Variants in ANKS1B observed in about 807,000 individuals in gnomAD.
ANKS1B encodes the protein ankyrin repeat and sterile alpha motif domain containing 1B, also known as ankyrin repeat and sterile alpha motif domain-containing protein 1B.
A neutral mutation model predicts 148.3 loss-of-function variants in ANKS1B; 36 were observed. That is an observed-to-expected ratio of 0.24 (90% CI 0.19 to 0.32). The LOEUF (loss-of-function observed/expected upper bound fraction) is 0.32. ANKS1B is among the 10% of genes least tolerant of loss of function. The probability of loss-of-function intolerance (pLI) is 1.00; values close to 1 mark genes in which losing one functional copy is unlikely to be tolerated. For missense variants in ANKS1B, 1,157 were observed against 1,542.6 expected (o/e 0.75, Z 4.19); for synonymous variants, 542 against 560.8 (o/e 0.97, Z 0.47).
chr12:98,872,524 G>A (rs549276871), intron 17 of ANKS1B, among the ~76,000 whole-genome samples: 1 of 152,266 alleles, frequency 6.6e-6, no homozygotes, highest in Admixed American at 6.5e-5. Flanking sequence ...GGGTAACAGA[G>A]CTAGAACCTA....
At chr12:98,914,727 T>C (rs1252987208) in intron 17 of ANKS1B, among the ~76,000 whole-genome samples, 1 of 151,946 alleles carries the variant, frequency 6.6e-6, no homozygotes, top group Admixed American at 6.6e-5. Flanking sequence ...ACCCCCACCC[T>C]TCCCTTCCCC....
chr12:99,754,534 C>A (rs532907653), intron 8 of ANKS1B, among the ~76,000 whole-genome samples: 4 of 152,154 alleles, frequency 2.6e-5, no homozygotes, highest in Non-Finnish European at 4.4e-5. Context: ...AACTCTCCCC[C>A]AGAATATACA....
At chr12:99,569,913 C>T (rs1029856170) in intron 9 of ANKS1B, among the ~76,000 whole-genome samples, 12 of 152,124 alleles carry the variant, frequency 7.9e-5, no homozygotes, top group African/African-American at 2.9e-4. Context: ...CTCCGATATC[C>T]TAGTCACGGT....
At chr12:99,011,846 C>T (rs1296741158) in intron 17 of ANKS1B, among the ~76,000 whole-genome samples, 1 of 152,122 alleles carries the variant, frequency 6.6e-6, no homozygotes, top group African/African-American at 2.4e-5. Flanking sequence ...GTAAATACTA[C>T]AAAAATAAGA....
intron 15 of ANKS1B, among the ~76,000 whole-genome samples, chr12:99,120,279 C>T (rs56687065): frequency 0.052 from 7,874 of 152,236 alleles, 441 homozygotes; most frequent in African/African-American, 0.13. Flanking sequence ...GACAGTGACC[C>T]GGGCTGGGAG....
rs191617462 is a variant in ANKS1B, at chr12:98,929,302, C to G, written c.2779-97166G>C. ...AAAAACTAAATAAATGGAAAGAAAA[C>G]TCATGTTCATGTATCAGAAGACTGA... On this transcript the variant is annotated intron_variant, in intron 17 of 26. Coordinates refer to ENST00000683438, the MANE Select transcript of ANKS1B (RefSeq NM_001352186.2). Among the ~76,000 whole-genome samples, 25 of 152,154 alleles carry G rather than the reference C, an allele frequency of 1.6e-4. No homozygotes were observed. The East Asian group carries it at 4.6e-3, about 28-fold the overall frequency.
chr12:99,546,284 A>AAT (rs1265832825), intron 9 of ANKS1B, among the ~76,000 whole-genome samples: 2 of 152,226 alleles, frequency 1.3e-5, no homozygotes, highest in Non-Finnish European at 2.9e-5. Flanking sequence ...CTTGAACACT[A>AAT]ATATATATAA....
chr12:99,124,964 C>T lies in ANKS1B; in HGVS notation c.2526+29325G>A, dbSNP rs974379941. Among the ~76,000 whole-genome samples the T allele has an allele frequency of 1.5e-4, 15 of 98,386 alleles. 1 individual carries two copies. Among genetic ancestry groups the T allele is most frequent in the African/African-American group, 4.4e-4 (15 of 34,004 alleles). 64.5% of individuals were successfully genotyped at this position (98,386 alleles called of 152,430 possible). On this transcript the variant is annotated intron_variant, in intron 15 of 26. Transcript: ENST00000683438. ...AGTAGGGTGGAAAAGAGAAAAATTT[C>T]CTGTTAAAGAGAGAATAGAGGTGAA...
intron 14 of ANKS1B, chr12:99,154,773 G>A (rs1026554135): frequency 4.6e-5 from 67 of 1,445,980 alleles, no homozygotes; most frequent in Non-Finnish European, 4.9e-5. Flanking sequence ...ATGCACGGCC[G>A]GCAGCCAGAA....
At chr12:99,406,217 T>C (rs893582414) in intron 11 of ANKS1B, among the ~76,000 whole-genome samples, 7 of 145,234 alleles carry the variant, frequency 4.8e-5, no homozygotes, top group Non-Finnish European at 1.1e-4. Flanking sequence ...TTACAGAATA[T>C]ACATTCTTCT....
intron 12 of ANKS1B, among the ~76,000 whole-genome samples, chr12:99,261,091 CT>C (rs1417576205): frequency 6.6e-6 from 1 of 152,116 alleles, no homozygotes; most frequent in African/African-American, 2.4e-5. Context: ...GGTGTTCTAG[CT>C]CTGCAAAAGA....
intron 1 of ANKS1B, among the ~76,000 whole-genome samples, chr12:99,982,112 G>A (rs1416242200): frequency 6.6e-6 from 1 of 152,020 alleles, no homozygotes; most frequent in Non-Finnish European, 1.5e-5. Flanking sequence ...TTTTGTTTGT[G>A]ATTTTTACAA....
At chr12:99,906,438 G>A (rs1168805413) in intron 1 of ANKS1B, among the ~76,000 whole-genome samples, 2 of 152,168 alleles carry the variant, frequency 1.3e-5, no homozygotes, top group African/African-American at 4.8e-5. Flanking sequence ...TTTTTCAGAG[G>A]AGGGCTGGTT....
At chr12:99,675,538 T>C (rs572562379) in intron 8 of ANKS1B, among the ~76,000 whole-genome samples, 6 of 152,000 alleles carry the variant, frequency 3.9e-5, no homozygotes, top group African/African-American at 1.4e-4. Flanking sequence ...AGTGAAATAA[T>C]GGCCTATTTA....
At position 99,806,502 on chromosome 12, in the gene ANKS1B, T is replaced by C; in HGVS notation, c.571A>G (p.Asn191Asp). The C allele has an allele frequency of 6.2e-7, 1 of 1,613,972 alleles. No homozygotes were observed. The highest frequency in any genetic ancestry group is 8.5e-7 in the Non-Finnish European group (1 of 1,179,860). The change falls in exon 4 of 27, where the codon AAC (asparagine) becomes GAC (aspartate). Residue 191 changes from asparagine to aspartate, a missense_variant. Asn to Asp is a conservative substitution (Grantham distance 23). Transcript: ENST00000683438. ...ISAHPNLMSC[N>D]TRKHTPLHLA... ...TGAAGTGGCGTGTGCTTGCGAGTGT[T>C]GCAGCTCATTAAGTTAGGATGTGCA...
chr12:99,302,741 T>C (rs962162435), intron 12 of ANKS1B, among the ~76,000 whole-genome samples: 1 of 152,158 alleles, frequency 6.6e-6, no homozygotes, highest in African/African-American at 2.4e-5. Flanking sequence ...AGAATAAAAT[T>C]TGGCAGCACA....
chr12:99,140,132 T>G (rs1307643629), intron 15 of ANKS1B, among the ~76,000 whole-genome samples: 8 of 152,134 alleles, frequency 5.3e-5, no homozygotes, highest in Non-Finnish European at 1.5e-5. Flanking sequence ...AATAAGTGGG[T>G]GTCTTTGAGC....
rs779926559 is a variant in ANKS1B, at chr12:99,825,456, G to A, written c.135-67C>T. On this transcript the variant is annotated intron_variant, in intron 1 of 26. Coordinates refer to ENST00000683438, the MANE Select transcript of ANKS1B (RefSeq NM_001352186.2). ...ATCTTGCCTTGAAAAACAAAAAGAAGGCTGGTAGCCCCACAGTCAGCAGCA... is the reference window on the plus strand; with the variant it reads ...ATCTTGCCTTGAAAAACAAAAAGAAAGCTGGTAGCCCCACAGTCAGCAGCA... 28 of 1,272,966 alleles carry A rather than the reference G, an allele frequency of 2.2e-5. No homozygotes were observed. The South Asian group carries it at 3.4e-4, about 15-fold the overall frequency. 78.9% of individuals were successfully genotyped at this position (1,272,966 alleles called of 1,614,324 possible). A position where few individuals can be genotyped will look rare whatever the true frequency, so the allele number is the denominator to read the frequency against.
At chr12:99,322,723 T>C (rs569680901) in intron 12 of ANKS1B, among the ~76,000 whole-genome samples, 1 of 152,296 alleles carries the variant, frequency 6.6e-6, no homozygotes, top group Admixed American at 6.5e-5. Flanking sequence ...TCTTCAGTGA[T>C]ATGGTTTGGC....
Sources: allele counts gnomAD v4.1 joint callset (sites outside exome capture counted in the v4.1 genomes callset), GRCh38; gene constraint gnomAD v4.1.1; transcripts MANE v1.5; gene names NCBI Gene and HGNC (gene_info 2026-07-23, HGNC 2026-07-21).